Variants in SPA17 observed in about 807,000 individuals in gnomAD.
SPA17 encodes the protein sperm autoantigenic protein 17, also known as sperm surface protein Sp17.
Under a neutral mutation model 13.8 loss-of-function variants are expected in SPA17, and 7 were observed. The observed-to-expected ratio is 0.51, with a 90% CI of 0.29 to 0.95. The LOEUF (loss-of-function observed/expected upper bound fraction) is 0.95, where lower values mean the gene tolerates loss of function less well. SPA17 is among the 40% of genes least tolerant of loss of function. The pLI is 0.08. For missense variants in SPA17, 170 were observed against 179.3 expected (o/e 0.95, Z 0.30); for synonymous variants, 61 against 59.0 (o/e 1.03, Z -0.16).
chr11:124,691,900 T>C, intron 4 of SPA17, 118 bp downstream of exon 4: 1 of 551,452 alleles, frequency 1.8e-6, no homozygotes, highest in Non-Finnish European at 2.9e-6. Context: ...TGACTTTACT[T>C]TCCAGATAAT....
chr11:124,679,405 GA>G (rs1271291407), intron 2 of SPA17, among the ~76,000 whole-genome samples: 1 of 151,922 alleles, frequency 6.6e-6, no homozygotes, highest in African/African-American at 2.4e-5. Flanking sequence ...ATATATTGTA[GA>G]ACAAAGCAAG....
chr11:124,685,046 T>C (rs182216323), intron 3 of SPA17, among the ~76,000 whole-genome samples: 1 of 152,372 alleles, frequency 6.6e-6, no homozygotes, highest in Admixed American at 6.5e-5. Flanking sequence ...CTGCAGAATT[T>C]TGCATAAGCA....
intron 3 of SPA17, among the ~76,000 whole-genome samples, chr11:124,687,781 T>C (rs551867408): frequency 6.6e-6 from 1 of 152,236 alleles, no homozygotes; most frequent in African/African-American, 2.4e-5. Flanking sequence ...AGAAGGAACA[T>C]ACCTCAAAAC....
intron 3 of SPA17, among the ~76,000 whole-genome samples, chr11:124,682,444 T>G (rs142231659): frequency 2.6e-5 from 4 of 152,190 alleles, no homozygotes; most frequent in African/African-American, 9.6e-5. Context: ...TTTTTAAATA[T>G]GGTCAGTGAG....
At chr11:124,691,998 T>C (rs1484300469) in intron 4 of SPA17, among the ~76,000 whole-genome samples, 1 of 152,182 alleles carries the variant, frequency 6.6e-6, no homozygotes, top group African/African-American at 2.4e-5. Flanking sequence ...AATGAAATCT[T>C]ATTTTTCAAG....
At position 124,694,582 on chromosome 11, in the gene SPA17, T is replaced by C. The variant is rs984731205; in HGVS notation, c.*136T>C. 4 of 1,210,544 alleles carry C rather than the reference T, an allele frequency of 3.3e-6. No homozygotes were observed. Among genetic ancestry groups the C allele is most frequent in the South Asian group, 1.6e-5 (1 of 63,474 alleles). 75.0% of individuals were successfully genotyped at this position (1,210,544 alleles called of 1,614,324 possible). On this transcript the variant is annotated 3_prime_UTR_variant, in exon 5 of 5. Transcript: ENST00000227135. The stretch of plus-strand genomic sequence containing the variant: ...TCGTTACTGTTGTGAAAATCTGTCA[T>C]GAGCATTTGTTTAATAAGCATACCA...
Position 124,691,776 on chromosome 11 carries a change from C to A in SPA17, c.306C>A (p.Thr102=), listed in dbSNP as rs898161904. Residue 102 remains threonine (T), a synonymous_variant, in exon 4 of 5, where the codon ACC becomes ACA. Coordinates refer to ENST00000227135, the MANE Select transcript of SPA17 (RefSeq NM_017425.4). ...GGAAGGAGGAAGAGACATCAGTCAC[C>A]ATCTTAGTATGTAATATTTTTCATG... ...ISGKEEETSV[T]ILDSSEEDKE... 1 of 1,600,832 alleles carries A rather than the reference C, an allele frequency of 6.2e-7. No homozygotes were observed. The highest frequency in any genetic ancestry group is 1.1e-5 in the South Asian group (1 of 89,950).
intron 2 of SPA17, 149 bp downstream of exon 2, chr11:124,675,567 G>T (rs1315430031): frequency 1.4e-6 from 1 of 739,452 alleles, no homozygotes; most frequent in Non-Finnish European, 2.1e-6. Flanking sequence ...GAAACAGTAT[G>T]TACCTCTTTG....
chr11:124,694,181 A>G lies in SPA17; in HGVS notation c.313-122A>G, dbSNP rs1485294309. 4.0e-6 allele frequency: 5 copies of G among 1,260,128 alleles called. No individual in the cohort carries two copies. In the African/African-American group the frequency reaches 7.6e-5, roughly 19 times the overall value. 78.1% of individuals were successfully genotyped at this position (1,260,128 alleles called of 1,614,324 possible). ...ATGTGACAATATATGAAATTCCCTC[A>G]GGAAGCAACAGCTCTCAGATAGTTG... is the stretch of plus-strand genomic sequence containing the variant. On this transcript the variant is annotated intron_variant, in intron 4 of 4. Coordinates refer to ENST00000227135, the MANE Select transcript of SPA17 (RefSeq NM_017425.4).
intron 2 of SPA17, chr11:124,676,078 C>T (rs988047725): frequency 2.0e-5 from 3 of 152,162 alleles, no homozygotes; most frequent in Non-Finnish European, 4.4e-5. Flanking sequence ...TTCCTTCACT[C>T]CTATAAATAA....
intron 2 of SPA17, among the ~76,000 whole-genome samples, chr11:124,678,951 T>C (rs1943500333): frequency 6.6e-6 from 1 of 152,080 alleles, no homozygotes; most frequent in Non-Finnish European, 1.5e-5. Flanking sequence ...AGAGAGAACA[T>C]GATAGAAAAT....
chr11:124,675,141 A>G (rs1034594347), intron 1 of SPA17, 97 bp from the exon 2 acceptor site: 3 of 1,232,818 alleles, frequency 2.4e-6, no homozygotes, highest in Non-Finnish European at 2.3e-6. Flanking sequence ...ATTCAAGTCC[A>G]GATGTATGAG....
intron 3 of SPA17, among the ~76,000 whole-genome samples, chr11:124,685,804 T>C (rs1294239236): frequency 6.6e-6 from 1 of 152,214 alleles, no homozygotes; most frequent in Non-Finnish European, 1.5e-5. Flanking sequence ...ATTTCAGACT[T>C]ACATGGGGCC....
intron 3 of SPA17, among the ~76,000 whole-genome samples, chr11:124,688,313 C>G (rs1943594581): frequency 6.6e-6 from 1 of 152,166 alleles, no homozygotes. Flanking sequence ...ATGACTGACT[C>G]CCAATATAAT....
chr11:124,681,104 T>A (rs1943524728), intron 2 of SPA17, among the ~76,000 whole-genome samples: 1 of 152,156 alleles, frequency 6.6e-6, no homozygotes, highest in Non-Finnish European at 1.5e-5. Context: ...GTACTGGCAT[T>A]TGTTCTTTTT....
intron 3 of SPA17, among the ~76,000 whole-genome samples, chr11:124,690,614 A>G (rs1275712623): frequency 6.6e-6 from 1 of 152,220 alleles, no homozygotes; most frequent in African/African-American, 2.4e-5. Flanking sequence ...AAATTTGTAC[A>G]AATATAAAAG....
chr11:124,678,282 G>A (rs749575199), intron 2 of SPA17, among the ~76,000 whole-genome samples: 2 of 151,942 alleles, frequency 1.3e-5, no homozygotes, highest in African/African-American at 2.4e-5. Flanking sequence ...AGTGATTTTC[G>A]GGATATATTC....
At chr11:124,675,521 G>C in intron 2 of SPA17, 103 bp downstream of exon 2, 5 of 1,258,640 alleles carry the variant, frequency 4.0e-6, no homozygotes, top group Non-Finnish European at 5.5e-6. Flanking sequence ...AGCCTTTTAT[G>C]AGGCAGGGAG....
chr11:124,677,001 T>C (rs963375352), intron 2 of SPA17, among the ~76,000 whole-genome samples: 8 of 152,346 alleles, frequency 5.3e-5, no homozygotes, highest in Admixed American at 3.9e-4. Flanking sequence ...TAAAAGTCTT[T>C]AGTCATTTAT....
Sources: allele counts gnomAD v4.1 joint callset (sites outside exome capture counted in the v4.1 genomes callset), GRCh38; gene constraint gnomAD v4.1.1; transcripts MANE v1.5; gene names NCBI Gene and HGNC (gene_info 2026-07-23, HGNC 2026-07-21).